The following WDFY1 variants were observed in gnomAD, a reference collection of about 807,000 sequenced individuals.
The protein encoded by WDFY1 is WD repeat and FYVE domain-containing protein 1.
Under a neutral mutation model 56.4 loss-of-function variants are expected in WDFY1, and 32 were observed. The observed-to-expected ratio is 0.57, with a 90% CI of 0.43 to 0.76. WDFY1 has a LOEUF of 0.76. WDFY1 is among the 30% of genes least tolerant of loss of function. The probability of loss-of-function intolerance (pLI) is 0.00; values close to 1 mark genes in which losing one functional copy is unlikely to be tolerated. For missense variants in WDFY1, 480 were observed against 545.7 expected (o/e 0.88, Z 1.20); for synonymous variants, 192 against 197.3 (o/e 0.97, Z 0.23).
At chr2:223,929,272 C>T (rs1694038033) in intron 1 of WDFY1, among the ~76,000 whole-genome samples, 1 of 150,708 alleles carries the variant, frequency 6.6e-6, no homozygotes, top group African/African-American at 2.4e-5. Flanking sequence ...ACTGCAACCT[C>T]CGCCTCCCGG....
rs371469090 is a variant in WDFY1 at position 223,912,236 on chromosome 2, T to A, written c.279+17A>T. ...TAATATAAAGAATACAATAAATACA[T>A]TCTAAAAGCTACCTACCATTACAGC... On this transcript the variant is annotated intron_variant, in intron 3 of 11. Transcript: ENST00000233055. The A allele has an allele frequency of 3.8e-6, 6 of 1,599,744 alleles. No individual in the cohort carries two copies. Among genetic ancestry groups the A allele is most frequent in the Non-Finnish European group, 5.1e-6 (6 of 1,176,060 alleles).
rs150347314 is a variant in WDFY1 at position 223,895,642 on chromosome 2, TGAGA to T, written c.599-16_599-13del. ...GCAGGCGACACTACCTAGGGATTTG[TGAGA>T]GAGAGAGAGAGAGGGAGGCAGGGGA... On this transcript the variant is annotated splice_polypyrimidine_tract_variant and intron_variant, in intron 6 of 11. Coordinates refer to ENST00000233055, the MANE Select transcript of WDFY1 (RefSeq NM_020830.5). 24 of 1,563,790 alleles carry T rather than the reference TGAGA, an allele frequency of 1.5e-5. No homozygotes were observed. Among genetic ancestry groups the T allele is most frequent in the South Asian group, 1.1e-4 (10 of 87,756 alleles).
chr2:223,894,516 A>G, intron 7 of WDFY1, 177 bp from the exon 8 acceptor site: 1 of 616,056 alleles, frequency 1.6e-6, no homozygotes, highest in East Asian at 2.8e-5. Flanking sequence ...TATAACTCAT[A>G]ATACAGAATG....
intron 1 of WDFY1, among the ~76,000 whole-genome samples, chr2:223,927,507 T>C (rs1694003782): frequency 1.3e-5 from 2 of 152,216 alleles, no homozygotes; most frequent in Non-Finnish European, 2.9e-5. Context: ...TCCTCACCCC[T>C]CTCAGGCTTC....
chr2:223,881,000 C>T (rs1693060993), intron 10 of WDFY1, among the ~76,000 whole-genome samples: 2 of 152,216 alleles, frequency 1.3e-5, no homozygotes, highest in Non-Finnish European at 2.9e-5. Context: ...AGTCGTGATG[C>T]ACTAGCTTTC....
In WDFY1 at chr2:223,884,672, G is replaced by A. The variant is rs1227741633; in HGVS notation, c.909C>T (p.Asp303=). The change falls in exon 9 of 12, where the codon GAC becomes GAT. Residue 303 remains aspartate (D), a synonymous_variant. Transcript: ENST00000233055. ...CTTGTCTTAGCCCCAGCGTCTTGGT[G>A]TCCCACATCTGCTTTATGTTCCAGA... ...PFFWNIKQMW[D]TKTLGLRQHH... 1.2e-6 allele frequency: 2 copies of A among 1,614,102 alleles called. No homozygotes were observed. The highest frequency in any genetic ancestry group is 1.7e-5 in the Admixed American group (1 of 60,012).
intron 7 of WDFY1, among the ~76,000 whole-genome samples, chr2:223,895,055 C>A (rs1441122101): frequency 6.6e-6 from 1 of 152,202 alleles, no homozygotes; most frequent in Non-Finnish European, 1.5e-5. Context: ...AACTAGACAA[C>A]ATTTCTTAAT....
chr2:223,945,103 C>T (rs759309493), intron 1 of WDFY1, 45 bp downstream of exon 1: 2 of 1,542,574 alleles, frequency 1.3e-6, no homozygotes, highest in Non-Finnish European at 1.7e-6. Context: ...CCCCACACCC[C>T]GTCGTCGCGG....
At chr2:223,942,080 C>T (rs1299791904) in intron 1 of WDFY1, among the ~76,000 whole-genome samples, 1 of 152,184 alleles carries the variant, frequency 6.6e-6, no homozygotes, top group Non-Finnish European at 1.5e-5. Flanking sequence ...TCCCCCAGAA[C>T]GTTTCAGTCC....
intron 8 of WDFY1, among the ~76,000 whole-genome samples, chr2:223,885,749 CT>C (rs1166279022): frequency 1.3e-5 from 2 of 152,190 alleles, no homozygotes; most frequent in Non-Finnish European, 2.9e-5. Context: ...CAGAAGAGAT[CT>C]GACAAAACCC....
chr2:223,886,677 C>T (rs1693179294), intron 8 of WDFY1, among the ~76,000 whole-genome samples: 2 of 125,814 alleles, frequency 1.6e-5, no homozygotes, highest in South Asian at 4.9e-4. Context: ...TTGCAGTGAG[C>T]AGAGATTGCA....
At chr2:223,905,422 A>G (rs1693580488) in intron 4 of WDFY1, among the ~76,000 whole-genome samples, 1 of 152,184 alleles carries the variant, frequency 6.6e-6, no homozygotes, top group Non-Finnish European at 1.5e-5. Context: ...TGGGAGACTG[A>G]GGTGGGAGGG....
At chr2:223,920,892 C>T (rs1693875237) in intron 1 of WDFY1, among the ~76,000 whole-genome samples, 1 of 152,198 alleles carries the variant, frequency 6.6e-6, no homozygotes, top group African/African-American at 2.4e-5. Flanking sequence ...AGCATCACAT[C>T]GCTTTGTTTA....
chr2:223,907,854 T>TA (rs1450421123), intron 3 of WDFY1, among the ~76,000 whole-genome samples: 1 of 37,480 alleles, frequency 2.7e-5, no homozygotes, highest in African/African-American at 9.3e-5. Context: ...GCTGCTGCTA[T>TA]TTTTTTTTTT....
intron 1 of WDFY1, among the ~76,000 whole-genome samples, chr2:223,937,626 T>C (rs561153289): frequency 1.5e-4 from 23 of 152,142 alleles, no homozygotes; most frequent in Non-Finnish European, 2.8e-4. Context: ...AGGGCTGGGA[T>C]TCAAACTGAG....
chr2:223,878,425 G>T lies in WDFY1; in HGVS notation c.*246C>A. The T allele has an allele frequency of 2.4e-6, 1 of 408,866 alleles. No individual in the cohort carries two copies. The highest frequency in any genetic ancestry group is 4.4e-6 in the Non-Finnish European group (1 of 226,058). The allele number at this position is 408,866 out of a possible 1,614,324, so 25.3% of individuals were successfully genotyped here. ...TTTCACTACACATTAGCTGTTCATGGGGAAGTTTTGCTGAAGTAATTCCAG... is the reference window on the plus strand; with the variant it reads ...TTTCACTACACATTAGCTGTTCATGTGGAAGTTTTGCTGAAGTAATTCCAG... On this transcript the variant is annotated 3_prime_UTR_variant, in exon 12 of 12. Transcript: ENST00000233055.
chr2:223,921,021 G>A (rs1269378710), intron 1 of WDFY1, among the ~76,000 whole-genome samples: 1 of 152,124 alleles, frequency 6.6e-6, no homozygotes, highest in Non-Finnish European at 1.5e-5. Context: ...AGACCAGAGG[G>A]ACAATCAGAA....
At chr2:223,908,354 G>T (rs1693637219) in intron 3 of WDFY1, among the ~76,000 whole-genome samples, 1 of 152,106 alleles carries the variant, frequency 6.6e-6, no homozygotes, top group African/African-American at 2.4e-5. Context: ...CTACCCCACT[G>T]CATGGAAAGG....
chr2:223,895,623 G>A lies in WDFY1; in HGVS notation c.606C>T (p.Val202=), dbSNP rs374832636. 4.3e-5 allele frequency: 69 copies of A among 1,613,758 alleles called. No homozygotes were observed. The highest frequency in any genetic ancestry group is 8.9e-5 in the East Asian group (4 of 44,876). ...ITTLKGHEGS[V]ACLWWDPIQR... ...GAATAGGGTCCCACCAGAGGCAGGC[G>A]ACACTACCTAGGGATTTGTGAGAGA... is the stretch of plus-strand genomic sequence containing the variant. Residue 202 remains valine (V), a synonymous_variant, in exon 7 of 12, where the codon GTC becomes GTT. Coordinates refer to ENST00000233055, the MANE Select transcript of WDFY1 (RefSeq NM_020830.5).
Sources: allele counts gnomAD v4.1 joint callset (sites outside exome capture counted in the v4.1 genomes callset), GRCh38; gene constraint gnomAD v4.1.1; transcripts MANE v1.5; gene names NCBI Gene and HGNC (gene_info 2026-07-23, HGNC 2026-07-21).